CFAP54: variants seen among roughly 807,000 people sequenced by gnomAD.
The protein encoded by CFAP54 is cilia and flagella associated protein 54, also known as cilia- and flagella-associated protein 54.
In CFAP54, 290 loss-of-function variants were observed where a neutral mutation model predicts 370.4. That is an observed-to-expected ratio of 0.78 (90% CI 0.71 to 0.86). The LOEUF is 0.86. CFAP54 is among the 40% of genes least tolerant of loss of function. CFAP54 has a pLI of 0.00. For missense variants in CFAP54, 3,399 were observed against 3,528.7 expected (o/e 0.96, Z 0.93); for synonymous variants, 1,206 against 1,236.5 (o/e 0.98, Z 0.52).
At chr12:96,650,128 T>G in intron 35 of CFAP54, 56 bp downstream of exon 35, 1 of 1,427,734 alleles carries the variant, frequency 7.0e-7, no homozygotes. Flanking sequence ...GCCCACCAAC[T>G]TGGGCGTTTA....
At chr12:96,818,904 T>C (rs1298222643) in intron 65 of CFAP54, among the ~76,000 whole-genome samples, 1 of 152,230 alleles carries the variant, frequency 6.6e-6, no homozygotes, top group East Asian at 1.9e-4. Flanking sequence ...TTTATGGAAA[T>C]GAGAAGGGTA....
chr12:96,729,021 T>G (rs552651039), intron 50 of CFAP54, among the ~76,000 whole-genome samples: 1 of 152,316 alleles, frequency 6.6e-6, no homozygotes, highest in South Asian at 2.1e-4. Context: ...TGCTGCTGTC[T>G]GATCGTTCTT....
In CFAP54 at chr12:96,679,614, A is replaced by G. The variant is rs770620143; in HGVS notation, c.5578A>G (p.Lys1860Glu). 2 of 1,612,560 alleles carry G rather than the reference A, an allele frequency of 1.2e-6. No individual in the cohort carries two copies. The highest frequency in any genetic ancestry group is 1.7e-6 in the Non-Finnish European group (2 of 1,179,364). The change falls in exon 40 of 68, where the codon AAA becomes GAA. Residue 1860 changes from lysine (K) to glutamate (E), a missense_variant. Lys to Glu is a moderately conservative substitution (Grantham distance 56). Coordinates refer to ENST00000524981, the MANE Select transcript of CFAP54 (RefSeq NM_001306084.2). ...TTTCCTTTCAGAATACAGCCGAGCC[A>G]AAGCGCTTGTCTGCGTGCCCGTGGA... ...MLISSEYSRAKALVCVPVDVT... is the reference protein window; with the variant it reads ...MLISSEYSRAEALVCVPVDVT...
At chr12:96,813,685 T>C (rs1958947304) in intron 64 of CFAP54, among the ~76,000 whole-genome samples, 1 of 152,242 alleles carries the variant, frequency 6.6e-6, no homozygotes, top group Non-Finnish European at 1.5e-5. Context: ...GTCTCTGCCT[T>C]TAAACCTACA....
intron 54 of CFAP54, 49 bp from the exon 55 acceptor site, chr12:96,743,971 C>T (rs1248218271): frequency 1.2e-6 from 2 of 1,602,800 alleles, no homozygotes; most frequent in Admixed American, 1.7e-5. Flanking sequence ...TCCTCCTATT[C>T]CAAACCACGT....
rs151281184 is a variant in CFAP54, at chr12:96,560,182, A to G, written c.2411-4286A>G. Among the ~76,000 whole-genome samples the G allele has an allele frequency of 1.1e-3, 166 of 152,286 alleles. 2 individuals carry two copies. Among genetic ancestry groups the G allele is most frequent in the African/African-American group, 3.9e-3 (162 of 41,556 alleles). On this transcript the variant is annotated intron_variant, in intron 17 of 67. Coordinates refer to ENST00000524981, the MANE Select transcript of CFAP54 (RefSeq NM_001306084.2). ...AATGTATAATAAATTATTGTTAACTATAGCCACCCTATTGTCCTGTTGAAC... is the reference window on the plus strand; with the variant it reads ...AATGTATAATAAATTATTGTTAACTGTAGCCACCCTATTGTCCTGTTGAAC...
chr12:96,760,143 C>T (rs1032953803), intron 58 of CFAP54, among the ~76,000 whole-genome samples: 1 of 152,100 alleles, frequency 6.6e-6, no homozygotes, highest in Non-Finnish European at 1.5e-5. Context: ...AAAGTAGGGA[C>T]TAATGCTGTT....
intron 26 of CFAP54, among the ~76,000 whole-genome samples, chr12:96,608,798 A>ATGAAC (rs1034620199): frequency 1.3e-5 from 2 of 152,202 alleles, no homozygotes; most frequent in Non-Finnish European, 2.9e-5. Context: ...GGAGGAAAAA[A>ATGAAC]TGAACAGAGA....
Position 96,774,854 on chromosome 12 carries a change from GTATTA to G in CFAP54, c.8281+9639_8281+9643del, listed in dbSNP as rs200162478. Reference sequence around the variant, plus strand: ...TTTTTAGAGATGTTATCTTCTTATTGTATTATAATTTAAAAAAATTATTTCTATTA... The same window carrying G: ...TTTTTAGAGATGTTATCTTCTTATTGTAATTTAAAAAAATTATTTCTATTA... On this transcript the variant is annotated intron_variant, in intron 60 of 67. Coordinates refer to ENST00000524981, the MANE Select transcript of CFAP54 (RefSeq NM_001306084.2). 2.0e-5 allele frequency among the ~76,000 whole-genome samples: 3 copies of G among 152,022 alleles called. No homozygotes were observed. The East Asian group carries it at 5.8e-4, about 29-fold the overall frequency.
At chr12:96,758,375 C>T (rs139063630) in intron 58 of CFAP54, among the ~76,000 whole-genome samples, 2,113 of 152,298 alleles carry the variant, frequency 0.014, 26 homozygotes, top group South Asian at 0.062. Context: ...TCACATCTTA[C>T]ATGGCAGCAG....
intron 58 of CFAP54, among the ~76,000 whole-genome samples, chr12:96,762,858 C>A (rs572925249): frequency 6.6e-6 from 1 of 152,136 alleles, no homozygotes; most frequent in East Asian, 1.9e-4. Flanking sequence ...CATCTTCTCC[C>A]AGGCTTAATG....
At chr12:96,578,674 TAG>T (rs771912607) in intron 20 of CFAP54, among the ~76,000 whole-genome samples, 38 of 152,336 alleles carry the variant, frequency 2.5e-4, no homozygotes, top group Non-Finnish European at 4.1e-4. Context: ...TACGTTCATT[TAG>T]AGAGTTCCAG....
At chr12:96,541,904 A>T (rs114469143) in intron 14 of CFAP54, among the ~76,000 whole-genome samples, 1 of 148,972 alleles carries the variant, frequency 6.7e-6, no homozygotes, top group African/African-American at 2.5e-5. Flanking sequence ...CCCCCTCCCC[A>T]CCAGCCCCCA....
intron 29 of CFAP54, 33 bp downstream of exon 29, chr12:96,625,840 T>C (rs1327171836): frequency 1.4e-6 from 2 of 1,388,180 alleles, no homozygotes; most frequent in Admixed American, 4.2e-5. Context: ...TGCTGTTCAC[T>C]CGATTTATCA....
At chr12:96,570,267 C>G (rs1955902434) in intron 19 of CFAP54, among the ~76,000 whole-genome samples, 1 of 151,946 alleles carries the variant, frequency 6.6e-6, no homozygotes. Flanking sequence ...AGCCACTGTG[C>G]CCAGCCTCAG....
At chr12:96,595,815 G>A (rs924950399) in intron 25 of CFAP54, among the ~76,000 whole-genome samples, 2 of 152,116 alleles carry the variant, frequency 1.3e-5, no homozygotes, top group African/African-American at 4.8e-5. Context: ...TCTTTTTAAA[G>A]GTGAGAGATG....
At position 96,626,886 on chromosome 12, in the gene CFAP54, A is replaced by C. The variant is rs747969137; in HGVS notation, c.4050A>C (p.Glu1350Asp). The part of the protein sequence containing the change: ...TQVMLKCMNE[E>D]KFHLMVEVTT... The stretch of plus-strand genomic sequence containing the variant: ...TTATGCTAAAATGCATGAATGAGGA[A>C]AAATTTCATCTTATGGTAGAGGTAA... The change falls in exon 30 of 68, where the codon GAA (glutamate) becomes GAC (aspartate). Residue 1350 changes from glutamate (E) to aspartate (D), a missense_variant. Physicochemically the swap from Glu to Asp is conservative, Grantham distance 45. This residue lies in a region of CFAP54 where 2,796 missense variants were observed against 2,869.7 expected (regional missense o/e 0.97). Transcript: ENST00000524981. 1 of 1,433,498 alleles carries C rather than the reference A, an allele frequency of 7.0e-7. No homozygotes were observed. Among genetic ancestry groups the C allele is most frequent in the African/African-American group, 1.4e-5 (1 of 70,752 alleles). 88.8% of individuals were successfully genotyped at this position (1,433,498 alleles called of 1,614,324 possible).
intron 8 of CFAP54, 88 bp from the exon 9 acceptor site, chr12:96,527,156 CAA>C: frequency 8.5e-7 from 1 of 1,183,340 alleles, no homozygotes; most frequent in Non-Finnish European, 1.1e-6. Flanking sequence ...CTTGGCCTCC[CAA>C]AGTGTTGGGA....
intron 66 of CFAP54, among the ~76,000 whole-genome samples, chr12:96,832,758 A>G (rs1451458942): frequency 2.0e-5 from 3 of 152,170 alleles, no homozygotes; most frequent in Non-Finnish European, 2.9e-5. Flanking sequence ...TGTAATTTGG[A>G]TTATTGTTGA....
Sources: gnomAD v4.1 joint callset for allele counts (sites outside exome capture counted in the v4.1 genomes callset) on GRCh38, gnomAD v4.1.1 for gene constraint, gnomAD v4.1.1 regional missense constraint, MANE v1.5 for transcripts, NCBI Gene and HGNC (gene_info 2026-07-23, HGNC 2026-07-21) for gene names.